Variants in LAMA2 observed in about 807,000 individuals in gnomAD.
LAMA2 encodes the protein laminin subunit alpha-2.
Under a neutral mutation model 364.8 loss-of-function variants are expected in LAMA2, and 269 were observed. The ratio of observed to expected loss-of-function variants is 0.74; its 90% CI spans 0.67 to 0.82. The LOEUF (loss-of-function observed/expected upper bound fraction) is 0.82. Among genes scored for constraint, LAMA2 ranks in the 40% least tolerant of loss-of-function variants. The probability of loss-of-function intolerance (pLI) is 0.00; values close to 1 mark genes in which losing one functional copy is unlikely to be tolerated. For synonymous variants in LAMA2, 1,379 were observed against 1,370.6 expected (o/e 1.01, Z -0.14); for missense variants, 3,807 against 3,873.2 (o/e 0.98, Z 0.45).
chr6:128,883,645 A>G (rs1371811386), intron 1 of LAMA2, among the ~76,000 whole-genome samples: 2 of 152,070 alleles, frequency 1.3e-5, no homozygotes, highest in Non-Finnish European at 2.9e-5. Flanking sequence ...GATTTCTGAA[A>G]TCTTTCCAAG....
chr6:128,883,401 C>G (rs1775928047), intron 1 of LAMA2, 44 bp downstream of exon 1: 1 of 1,551,226 alleles, frequency 6.4e-7, no homozygotes, highest in Admixed American at 1.9e-5. Context: ...TTGCCGGGAC[C>G]GAGATTCCTC....
intron 1 of LAMA2, among the ~76,000 whole-genome samples, chr6:129,008,473 G>T (rs1262412796): frequency 6.6e-6 from 1 of 152,054 alleles, no homozygotes; most frequent in African/African-American, 2.4e-5. Context: ...TCATAACCCT[G>T]GGAGAGTGGA....
At chr6:129,186,435 G>C (rs1781234032) in intron 10 of LAMA2, among the ~76,000 whole-genome samples, 2 of 151,742 alleles carry the variant, frequency 1.3e-5, no homozygotes, top group South Asian at 4.1e-4. Context: ...TATATGGTCT[G>C]TGCCAATCTT....
intron 20 of LAMA2, among the ~76,000 whole-genome samples, chr6:129,294,111 G>C (rs1026394911): frequency 6.6e-5 from 10 of 152,142 alleles, no homozygotes; most frequent in African/African-American, 2.4e-4. Flanking sequence ...CTGACTCCCG[G>C]GAAAACACAG....
chr6:129,070,989 T>C lies in LAMA2; in HGVS notation c.396+11093T>C, dbSNP rs973280097. Reference sequence around the variant, plus strand: ...CCTCATGCCTTTTCCAATCACTATCTTGCCTTCTCCCCTAATAGTAACCAG... The same window carrying C: ...CCTCATGCCTTTTCCAATCACTATCCTGCCTTCTCCCCTAATAGTAACCAG... On this transcript the variant is annotated intron_variant, in intron 3 of 64. Coordinates refer to ENST00000421865, the MANE Select transcript of LAMA2 (RefSeq NM_000426.4). 2.0e-5 allele frequency among the ~76,000 whole-genome samples: 3 copies of C among 152,304 alleles called. No homozygotes were observed. The South Asian group carries it at 6.2e-4, about 32-fold the overall frequency.
chr6:129,418,028 G>A (rs1251183717), intron 40 of LAMA2, among the ~76,000 whole-genome samples: 1 of 152,098 alleles, frequency 6.6e-6, no homozygotes, highest in African/African-American at 2.4e-5. Flanking sequence ...ACTCGGAAGG[G>A]GACATGGCTC....
In LAMA2 at chr6:129,332,676, A is replaced by T. The variant is rs1472056; in HGVS notation, c.4311+4264A>T. ...TCTATATCAAGCACGCATTTCTCAT[A>T]TAAAAATTCTTTCTATGTATCTTAC... is the stretch of plus-strand genomic sequence containing the variant. On this transcript the variant is annotated intron_variant, in intron 29 of 64. Transcript: ENST00000421865. Among the ~76,000 whole-genome samples the T allele has an allele frequency of 3.0e-3, 450 of 152,292 alleles. 1 individual carries two copies. The highest frequency in any genetic ancestry group is 0.01 in the African/African-American group (417 of 41,564).
intron 3 of LAMA2, among the ~76,000 whole-genome samples, chr6:129,089,623 T>C (rs1001041858): frequency 4.6e-5 from 7 of 152,204 alleles, no homozygotes; most frequent in Non-Finnish European, 8.8e-5. Context: ...AGGAGGCAGG[T>C]CAATCTTTTG....
At chr6:129,131,469 C>CTGCA (rs1220489971) in intron 4 of LAMA2, among the ~76,000 whole-genome samples, 3 of 152,182 alleles carry the variant, frequency 2.0e-5, no homozygotes, top group Non-Finnish European at 4.4e-5. Context: ...GGGCATGGCC[C>CTGCA]TGCAGCTCCC....
At chr6:128,891,999 T>C (rs1012377578) in intron 1 of LAMA2, among the ~76,000 whole-genome samples, 1 of 152,064 alleles carries the variant, frequency 6.6e-6, no homozygotes, top group African/African-American at 2.4e-5. Context: ...TTAAATTTTC[T>C]ATTCGTAAGA....
intron 1 of LAMA2, among the ~76,000 whole-genome samples, chr6:128,961,318 GATATATATATATATATATATATATAT>G (rs58772123): frequency 0.039 from 2,282 of 57,834 alleles, 214 homozygotes; most frequent in East Asian, 0.19. Context: ...GAACTAATAT[GATATATATATATATATATATATATAT>G]ATATATATAT....
chr6:129,186,201 TAAAC>T (rs1371251618), intron 10 of LAMA2, among the ~76,000 whole-genome samples: 15 of 151,458 alleles, frequency 9.9e-5, no homozygotes, highest in Middle Eastern at 3.4e-3. Flanking sequence ...GAAGTATAGA[TAAAC>T]AAAAAAAGAA....
At chr6:129,366,416 A>T in intron 33 of LAMA2, 55 bp downstream of exon 33, 1 of 1,594,890 alleles carries the variant, frequency 6.3e-7, no homozygotes, top group African/African-American at 1.3e-5. Flanking sequence ...GAAGCTTCAC[A>T]AGCGGTATTG....
intron 12 of LAMA2, among the ~76,000 whole-genome samples, chr6:129,213,459 T>C (rs1372010900): frequency 6.6e-6 from 1 of 152,250 alleles, no homozygotes; most frequent in Non-Finnish European, 1.5e-5. Context: ...CCAAACTATC[T>C]TCCAATATGG....
chr6:129,176,202 A>T (rs1042112189), intron 9 of LAMA2, among the ~76,000 whole-genome samples: 3 of 151,996 alleles, frequency 2.0e-5, no homozygotes, highest in African/African-American at 7.2e-5. Context: ...GTTATTAAAG[A>T]GAAATATTTA....
At chr6:129,156,002 C>T (rs1429896041) in intron 8 of LAMA2, among the ~76,000 whole-genome samples, 1 of 151,738 alleles carries the variant, frequency 6.6e-6, no homozygotes, top group East Asian at 1.9e-4. Context: ...AGTAGGAATA[C>T]ATTGAAGATA....
At position 129,190,187 on chromosome 6, in the gene LAMA2, A is replaced by G; in HGVS notation, c.1468-18A>G. ...GTTGAAGGATACCTCTGTTGCTGAT[A>G]CATCTCTTTATTTGCAGGAAAATGT... On this transcript the variant is annotated intron_variant, in intron 10 of 64. Transcript: ENST00000421865. The G allele has an allele frequency of 6.2e-7, 1 of 1,612,604 alleles. No homozygotes were observed. Among genetic ancestry groups the G allele is most frequent in the Non-Finnish European group, 8.5e-7 (1 of 1,178,824 alleles).
intron 1 of LAMA2, among the ~76,000 whole-genome samples, chr6:129,047,135 A>G (rs575749315): frequency 6.6e-6 from 1 of 152,326 alleles, no homozygotes; most frequent in East Asian, 1.9e-4. Flanking sequence ...TTGTAACCTG[A>G]CAAACGTCAC....
At chr6:129,149,933 C>T (rs1778696730) in intron 7 of LAMA2, among the ~76,000 whole-genome samples, 1 of 152,096 alleles carries the variant, frequency 6.6e-6, no homozygotes, top group Admixed American at 6.5e-5. Context: ...CACTGTATAA[C>T]AGGAACTTGA....
Sources: gnomAD v4.1 joint callset for allele counts (sites outside exome capture counted in the v4.1 genomes callset) on GRCh38, gnomAD v4.1.1 for gene constraint, MANE v1.5 for transcripts, NCBI Gene and HGNC (gene_info 2026-07-23, HGNC 2026-07-21) for gene names.